NRXN3: variants seen among roughly 807,000 people sequenced by gnomAD.
NRXN3 encodes the protein neurexin 3.
A neutral mutation model predicts 137.6 loss-of-function variants in NRXN3; 32 were observed. The observed-to-expected ratio is 0.23, with a 90% confidence interval of 0.18 to 0.31. The LOEUF (loss-of-function observed/expected upper bound fraction) is 0.31. NRXN3 is among the 10% of genes least tolerant of loss of function. NRXN3 has a pLI of 1.00. For missense variants in NRXN3, 1,574 were observed against 2,062.5 expected (o/e 0.76, Z 4.59); for synonymous variants, 798 against 784.5 (o/e 1.02, Z -0.29).
At chr14:79,219,908 A>G (rs1000869101) in intron 15 of NRXN3, among the ~76,000 whole-genome samples, 3 of 152,226 alleles carry the variant, frequency 2.0e-5, no homozygotes, top group African/African-American at 7.2e-5. Context: ...ACTATCTTTC[A>G]GAGTGATACA....
intron 4 of NRXN3, among the ~76,000 whole-genome samples, chr14:78,584,153 A>G (rs1475092881): frequency 6.6e-6 from 1 of 152,154 alleles, no homozygotes. Context: ...CTCTCAGATT[A>G]GTGGATGACA....
chr14:78,526,778 G>A, intron 4 of NRXN3: 1 of 517,516 alleles, frequency 1.9e-6, no homozygotes, highest in South Asian at 1.4e-5. Context: ...AAGCTGAGTT[G>A]GACTAAGTGA....
intron 15 of NRXN3, among the ~76,000 whole-genome samples, chr14:79,224,894 T>C (rs534884970): frequency 6.6e-6 from 1 of 152,306 alleles, no homozygotes; most frequent in African/African-American, 2.4e-5. Context: ...CATGCTCACA[T>C]CTTGATTTCA....
At chr14:78,662,015 A>T (rs1214110478) in intron 6 of NRXN3, among the ~76,000 whole-genome samples, 1 of 151,586 alleles carries the variant, frequency 6.6e-6, no homozygotes, top group Non-Finnish European at 1.5e-5. Flanking sequence ...AGCTGGGATT[A>T]CAGGCATGTG....
At chr14:79,273,385 A>G (rs1029962196) in intron 15 of NRXN3, among the ~76,000 whole-genome samples, 8 of 151,756 alleles carry the variant, frequency 5.3e-5, no homozygotes, top group African/African-American at 1.9e-4. Context: ...CTGTAATCCC[A>G]GCACTTTGGG....
At chr14:78,341,993 A>G (rs2082198873) in intron 4 of NRXN3, among the ~76,000 whole-genome samples, 1 of 152,192 alleles carries the variant, frequency 6.6e-6, no homozygotes, top group Non-Finnish European at 1.5e-5. Context: ...TGTGCTTGCC[A>G]ATGTCAATAA....
chr14:78,386,887 G>C, intron 4 of NRXN3, among the ~76,000 whole-genome samples: 1 of 151,586 alleles, frequency 6.6e-6, no homozygotes, highest in Admixed American at 6.6e-5. Flanking sequence ...TCAAGTGATT[G>C]TCCTATCTCA....
chr14:79,827,377 G>A (rs2099308031), intron 20 of NRXN3, among the ~76,000 whole-genome samples: 2 of 152,176 alleles, frequency 1.3e-5, no homozygotes, highest in Non-Finnish European at 2.9e-5. Context: ...AAAAAATTCT[G>A]AACATTAGAA....
chr14:78,358,011 C>T (rs971648503), intron 4 of NRXN3, among the ~76,000 whole-genome samples: 1 of 152,126 alleles, frequency 6.6e-6, no homozygotes. Flanking sequence ...AGTCTCTGCT[C>T]AGTTCTCAAG....
chr14:79,501,190 G>A lies in NRXN3; in HGVS notation c.3444+33788G>A, dbSNP rs544415143. On this transcript the variant is annotated intron_variant, in intron 16 of 20. Transcript: ENST00000335750. ...CAATGAATTGTTTGTATGTCTGTCC[G>A]ATGCTTTCCAGACTGGGTTAATGCC... 3.3e-5 allele frequency among the ~76,000 whole-genome samples: 5 copies of A among 152,178 alleles called. No homozygotes were observed. The East Asian group carries it at 9.7e-4, about 29-fold the overall frequency.
intron 4 of NRXN3, among the ~76,000 whole-genome samples, chr14:78,583,389 G>A: frequency 6.7e-6 from 1 of 148,654 alleles, no homozygotes. Flanking sequence ...TATTTATAAT[G>A]AAAACATTTA....
At position 78,245,016 on chromosome 14, in the gene NRXN3, G is replaced by A. The variant is rs141250259; in HGVS notation, c.709+1214G>A. 4.1e-3 allele frequency among the ~76,000 whole-genome samples: 617 copies of A among 152,298 alleles called. 3 individuals are homozygous for A. The highest frequency in any genetic ancestry group is 0.01 in the Middle Eastern group (3 of 294). ...AATCCAAATTCCTGGACTTACTCACGGCTTAGATTTGGGTAGCAGGAACTG... is the reference window on the plus strand; with the variant it reads ...AATCCAAATTCCTGGACTTACTCACAGCTTAGATTTGGGTAGCAGGAACTG... On this transcript the variant is annotated intron_variant, in intron 2 of 20. Transcript: ENST00000335750.
intron 18 of NRXN3, among the ~76,000 whole-genome samples, chr14:79,696,429 G>A (rs550649213): frequency 6.6e-5 from 10 of 151,976 alleles, no homozygotes; most frequent in African/African-American, 2.4e-4. Context: ...AACTTCAGAA[G>A]GCGTATATTT....
chr14:79,142,381 G>A (rs1335510006), intron 15 of NRXN3, among the ~76,000 whole-genome samples: 2 of 151,628 alleles, frequency 1.3e-5, no homozygotes, highest in Non-Finnish European at 2.9e-5. Flanking sequence ...AGCCGAGATG[G>A]CGCCACTGCA....
chr14:79,303,917 A>T (rs2085574332), intron 15 of NRXN3, among the ~76,000 whole-genome samples: 1 of 152,078 alleles, frequency 6.6e-6, no homozygotes, highest in South Asian at 2.1e-4. Context: ...TAGTAAGAGA[A>T]TAGTAATGGT....
At chr14:79,345,991 C>T (rs538380121) in intron 15 of NRXN3, among the ~76,000 whole-genome samples, 13 of 152,208 alleles carry the variant, frequency 8.5e-5, no homozygotes, top group Admixed American at 2.0e-4. Flanking sequence ...GATTCTGCCT[C>T]TATCAACCTA....
chr14:79,392,016 T>C (rs1350939578), intron 15 of NRXN3, among the ~76,000 whole-genome samples: 1 of 152,174 alleles, frequency 6.6e-6, no homozygotes, highest in Non-Finnish European at 1.5e-5. Context: ...TATTATACTT[T>C]AAGTTCTGAG....
At chr14:79,523,374 T>TA (rs2097088213) in intron 16 of NRXN3, among the ~76,000 whole-genome samples, 1 of 152,190 alleles carries the variant, frequency 6.6e-6, no homozygotes, top group Admixed American at 6.5e-5. Context: ...TTTGCCATGT[T>TA]TATATACAAA....
At chr14:78,913,119 A>C (rs976334057) in intron 10 of NRXN3, among the ~76,000 whole-genome samples, 2 of 152,102 alleles carry the variant, frequency 1.3e-5, no homozygotes, top group Non-Finnish European at 2.9e-5. Context: ...TCTTGATAAG[A>C]TCTACTAAAG....
Sources: allele counts gnomAD v4.1 joint callset (sites outside exome capture counted in the v4.1 genomes callset), GRCh38; gene constraint gnomAD v4.1.1; transcripts MANE v1.5; gene names NCBI Gene and HGNC (gene_info 2026-07-23, HGNC 2026-07-21).